The following URB1 variants were observed in gnomAD, a reference collection of about 807,000 sequenced individuals.
URB1 encodes nucleolar pre-ribosomal-associated protein 1.
URB1 carries 197 observed loss-of-function variants against 242.3 expected under a neutral mutation model. That is an observed-to-expected ratio of 0.81 (90% CI 0.72 to 0.91). The LOEUF is 0.91. URB1 is among the 40% of genes least tolerant of loss of function. The probability of loss-of-function intolerance (pLI) is 0.00; values close to 1 mark genes in which losing one functional copy is unlikely to be tolerated. For synonymous variants in URB1, 1,153 were observed against 1,201.8 expected (o/e 0.96, Z 0.84); for missense variants, 2,721 against 2,860.5 (o/e 0.95, Z 1.11).
intron 23 of URB1, 78 bp from the exon 24 acceptor site, chr21:32,344,834 A>C: frequency 6.9e-7 from 1 of 1,447,826 alleles, no homozygotes; most frequent in Admixed American, 2.3e-5. Flanking sequence ...AGCATCACAA[A>C]GAGCCATATG....
intron 38 of URB1, among the ~76,000 whole-genome samples, chr21:32,315,506 T>C (rs1036933412): frequency 2.0e-5 from 3 of 152,034 alleles, no homozygotes; most frequent in East Asian, 3.9e-4. Flanking sequence ...GGTTTCACTA[T>C]GTTGCCCAGG....
chr21:32,377,878 G>A (rs948404448), intron 5 of URB1, among the ~76,000 whole-genome samples: 35 of 152,196 alleles, frequency 2.3e-4, no homozygotes, highest in African/African-American at 8.2e-4. Flanking sequence ...ACTGCCATGT[G>A]CTGAGCTAAG....
chr21:32,339,151 C>T (rs141813594), intron 25 of URB1, among the ~76,000 whole-genome samples: 2,782 of 152,214 alleles, frequency 0.018, 93 homozygotes, highest in African/African-American at 0.063. Context: ...TGCACCACCA[C>T]GCCTGGCTAA....
At position 32,333,278 on chromosome 21, in the gene URB1, T is replaced by C. The variant is rs111523355; in HGVS notation, c.4960+39A>G. On this transcript the variant is annotated intron_variant, in intron 30 of 38. Transcript: ENST00000382751. Reference sequence around the variant, plus strand: ...AATCAACCTGACCTCTGAGAAGTCATGCATAGCAAGCCCTGACCCAAGAGA... The same window carrying C: ...AATCAACCTGACCTCTGAGAAGTCACGCATAGCAAGCCCTGACCCAAGAGA... 4.1e-3 allele frequency: 6,153 copies of C among 1,509,154 alleles called. 135 individuals are homozygous for C. In the South Asian group the frequency reaches 0.042, roughly 10 times the overall value. 93.5% of individuals were successfully genotyped at this position (1,509,154 alleles called of 1,614,324 possible).
intron 6 of URB1, among the ~76,000 whole-genome samples, chr21:32,374,311 C>T (rs1465280783): frequency 3.9e-5 from 6 of 152,170 alleles, no homozygotes; most frequent in African/African-American, 1.4e-4. Flanking sequence ...AGAATTGTGG[C>T]ACAAATTCTC....
chr21:32,360,056 T>C, intron 13 of URB1, 148 bp from the exon 14 acceptor site: 1 of 724,720 alleles, frequency 1.4e-6, no homozygotes, highest in East Asian at 2.8e-5. Context: ...GTGCTCACCC[T>C]CACATGGCAC....
At chr21:32,375,928 G>T (rs577294335) in intron 5 of URB1, among the ~76,000 whole-genome samples, 1 of 152,198 alleles carries the variant, frequency 6.6e-6, no homozygotes, top group East Asian at 1.9e-4. Context: ...CTGCACTCCA[G>T]CCTAGGCAAC....
chr21:32,359,539 C>T (rs1025301286), intron 14 of URB1, among the ~76,000 whole-genome samples: 1 of 152,104 alleles, frequency 6.6e-6, no homozygotes. Context: ...TTGAGATAAA[C>T]AAGAAACTCC....
intron 13 of URB1, among the ~76,000 whole-genome samples, chr21:32,360,588 G>C (rs1368713004): frequency 1.3e-5 from 2 of 152,182 alleles, no homozygotes; most frequent in Non-Finnish European, 2.9e-5. Context: ...TTACAAGTTT[G>C]AACCTGACTC....
intron 8 of URB1, among the ~76,000 whole-genome samples, chr21:32,368,871 T>G (rs2033375630): frequency 1.3e-5 from 2 of 152,162 alleles, no homozygotes; most frequent in South Asian, 2.1e-4. Flanking sequence ...TTGAGTTCAA[T>G]TTGCTTTCTA....
intron 32 of URB1, among the ~76,000 whole-genome samples, chr21:32,323,274 G>A (rs532469158): frequency 1.5e-4 from 23 of 152,282 alleles, no homozygotes; most frequent in African/African-American, 4.6e-4. Context: ...AATGAGATCT[G>A]AATTCTAATA....
At position 32,316,528 on chromosome 21, in the gene URB1, A is replaced by C; in HGVS notation, c.6572T>G (p.Phe2191Cys). 1 of 1,550,068 alleles carries C rather than the reference A, an allele frequency of 6.5e-7. No homozygotes were observed. The highest frequency in any genetic ancestry group is 1.2e-5 in the South Asian group (1 of 83,850). Residue 2191 changes from phenylalanine (F) to cysteine (C), a missense_variant, in exon 38 of 39, where the codon TTC (phenylalanine) becomes TGC (cysteine). Transcript: ENST00000382751. ...VAAQGRAGSPFHPAMEALSLS... is the reference protein window; with the variant it reads ...VAAQGRAGSPCHPAMEALSLS... ...GGAGAGGGCTTCCATGGCCGGGTGG[A>C]AGGGGCTCCCTGCCCGGCCCTGGGC...
chr21:32,327,877 T>C (rs377478500), intron 30 of URB1, among the ~76,000 whole-genome samples: 114 of 152,302 alleles, frequency 7.5e-4, no homozygotes, highest in African/African-American at 2.6e-3. Flanking sequence ...CATGCACTCA[T>C]ACACATACAA....
Position 32,352,580 on chromosome 21 carries a change from G to C in URB1, c.2613+130C>G, listed in dbSNP as rs116104666. On this transcript the variant is annotated intron_variant, in intron 19 of 38. Transcript: ENST00000382751. ...ACTTAGCTTCCTCTCTTATGCAGGG[G>C]ACTTTAGGGTAAGAAATTTCACCCT... is the stretch of plus-strand genomic sequence containing the variant. 9.7e-5 allele frequency: 100 copies of C among 1,030,080 alleles called. No homozygotes were observed. In the African/African-American group the frequency reaches 1.5e-3, roughly 15 times the overall value. The allele number at this position is 1,030,080 out of a possible 1,614,324, so 63.8% of individuals were successfully genotyped here. A position where few individuals can be genotyped will look rare whatever the true frequency, so the allele number is the denominator to read the frequency against.
chr21:32,356,384 C>G (rs559659767), intron 15 of URB1, among the ~76,000 whole-genome samples: 159 of 152,248 alleles, frequency 1.0e-3, no homozygotes, highest in Non-Finnish European at 1.7e-3. Context: ...AGAGCGAGAG[C>G]CTGTCTCAAA....
chr21:32,369,544 C>G (rs897616752), intron 8 of URB1, among the ~76,000 whole-genome samples: 1 of 152,140 alleles, frequency 6.6e-6, no homozygotes, highest in Non-Finnish European at 1.5e-5. Context: ...ACTGCAGCCT[C>G]GAATTCCTGG....
chr21:32,317,249 T>A (rs1401775788), intron 37 of URB1, among the ~76,000 whole-genome samples, 184 bp from the exon 38 acceptor site: 1 of 152,164 alleles, frequency 6.6e-6, no homozygotes, highest in African/African-American at 2.4e-5. Context: ...ATCACTGTTA[T>A]TATAACCAAC....
At chr21:32,380,984 T>C (rs2033517017) in intron 4 of URB1, among the ~76,000 whole-genome samples, 1 of 152,250 alleles carries the variant, frequency 6.6e-6, no homozygotes, top group Non-Finnish European at 1.5e-5. Flanking sequence ...TATCACCTCC[T>C]GGCTTCCATC....
At chr21:32,385,414 C>T in intron 2 of URB1, 131 bp downstream of exon 2, 2 of 1,322,120 alleles carry the variant, frequency 1.5e-6, no homozygotes, top group East Asian at 2.6e-5. Flanking sequence ...TACATTCCTA[C>T]AGCACAGGGA....
Sources: allele counts gnomAD v4.1 joint callset (sites outside exome capture counted in the v4.1 genomes callset), GRCh38; gene constraint gnomAD v4.1.1; transcripts MANE v1.5; gene names NCBI Gene and HGNC (gene_info 2026-07-23, HGNC 2026-07-21).